The following RAVER1 variants were observed in gnomAD, a reference collection of about 807,000 sequenced individuals.
The protein encoded by RAVER1 is ribonucleoprotein, PTB binding 1, also known as ribonucleoprotein PTB-binding 1.
A neutral mutation model predicts 68.4 loss-of-function variants in RAVER1; 36 were observed. The observed-to-expected ratio is 0.53, with a 90% CI of 0.40 to 0.70. The LOEUF is 0.70. Ranked by LOEUF, RAVER1 falls within the 30% of genes least tolerant of loss-of-function variation. The pLI is 0.00. For synonymous variants in RAVER1, 469 were observed against 472.7 expected, an observed-to-expected ratio of 0.99 and a Z score of 0.10; for missense variants, 933 against 1,019.8, an observed-to-expected ratio of 0.91 and a Z score of 1.16.
rs746573416 is a variant in RAVER1, at chr19:10,328,732, G to A, written c.666C>T (p.Cys222=). The A allele has an allele frequency of 6.2e-7, 1 of 1,612,138 alleles. No homozygotes were observed. Among genetic ancestry groups the A allele is most frequent in the Non-Finnish European group, 8.5e-7 (1 of 1,179,540 alleles). ...QLTPALLHSR[C]LCVDRLPPGF... The stretch of plus-strand genomic sequence containing the variant: ...CAGGTGGCAGGCGGTCCACACAGAG[G>A]CAGCGGGAGTGGAGAAGGGCAGGCG... Residue 222 remains cysteine, a synonymous_variant, in exon 3 of 13, where the codon TGC becomes TGT. Coordinates refer to ENST00000617231, the MANE Select transcript of RAVER1 (RefSeq NM_133452.3). The surrounding 1 kb of genome is among the most constrained non-coding windows in gnomAD (Gnocchi z 4.4).
At chr19:10,332,826 ATC>A (rs2040532372) in intron 1 of RAVER1, among the ~76,000 whole-genome samples, 2 of 152,102 alleles carry the variant, frequency 1.3e-5, no homozygotes, top group Admixed American at 6.6e-5. Context: ...TTCCGGATTT[ATC>A]TCTGAGAGCA....
At position 10,317,083 on chromosome 19, in the gene RAVER1, A is replaced by C; in HGVS notation, c.*371T>G. ...AAAAGGAGACAGTCTCTGTATCTTC[A>C]CGGGAGGTCAGGGAAACCTCCAAGG... On this transcript the variant is annotated 3_prime_UTR_variant, in exon 13 of 13. Coordinates refer to ENST00000617231, the MANE Select transcript of RAVER1 (RefSeq NM_133452.3). The surrounding 1 kb of genome is among the most constrained non-coding windows in gnomAD (Gnocchi z 4.3). 1 of 297,454 alleles carries C rather than the reference A, an allele frequency of 3.4e-6. No individual in the cohort carries two copies. The highest frequency in any genetic ancestry group is 6.3e-6 in the Non-Finnish European group (1 of 157,906). 18.4% of individuals were successfully genotyped at this position (297,454 alleles called of 1,614,324 possible). A position where few individuals can be genotyped will look rare whatever the true frequency, so the allele number is the denominator to read the frequency against.
Position 10,323,422 on chromosome 19 carries a change from G to A in RAVER1, c.901C>T (p.Pro301Ser), listed in dbSNP as rs773293787. ...GCGGCCAGCATACTGCGGCCGGGGGGCCCAGGGGCGCAGAAGGAGACTCGC... is the reference window on the plus strand; with the variant it reads ...GCGGCCAGCATACTGCGGCCGGGGGACCCAGGGGCGCAGAAGGAGACTCGC... ...HLRVSFCAPGPPGRSMLAALI... is the reference protein window; with the variant it reads ...HLRVSFCAPGSPGRSMLAALI... The change falls in exon 4 of 13, where the codon CCC becomes TCC. Residue 301 changes from proline (P) to serine (S), a missense_variant. This residue lies in a region of RAVER1 where 699 missense variants were observed against 731.1 expected (regional missense o/e 0.96). Transcript: ENST00000617231. The surrounding 1 kb of genome is among the most constrained non-coding windows in gnomAD (Gnocchi z 6.2). 4 of 1,607,390 alleles carry A rather than the reference G, an allele frequency of 2.5e-6. No homozygotes were observed. The highest frequency in any genetic ancestry group is 1.7e-5 in the Admixed American group (1 of 59,264).
At chr19:10,320,980 GC>G (rs769428060) in intron 8 of RAVER1, 29 bp from the exon 9 acceptor site, 11 of 1,487,014 alleles carry the variant, frequency 7.4e-6, no homozygotes, top group Non-Finnish European at 9.8e-6. Context: ...ATTCGAGAGG[GC>G]CCCCGGGAGA....
intron 7 of RAVER1, 135 bp from the exon 8 acceptor site, chr19:10,321,394 TG>T: frequency 1.2e-6 from 1 of 837,872 alleles, no homozygotes; most frequent in Non-Finnish European, 1.6e-6. Context: ...AGCTCATCCC[TG>T]GGCCCTGAGT....
rs1298943441 is a variant in RAVER1, at chr19:10,321,577, C to A, written c.1215G>T (p.Gln405His). Residue 405 changes from glutamine (Q) to histidine (H), a missense_variant, in exon 7 of 13, where the codon CAG becomes CAT. By Grantham distance (24) the Gln-to-His change is conservative. Coordinates refer to ENST00000617231, the MANE Select transcript of RAVER1 (RefSeq NM_133452.3). Reference sequence around the variant, plus strand: ...GGGGGTTGGCTGGCTGGGCCCCAGGCTGGAGGGCGCCCAGGGGTGAGTCTC... The same window carrying A: ...GGGGGTTGGCTGGCTGGGCCCCAGGATGGAGGGCGCCCAGGGGTGAGTCTC... ...ILGDSPLGAL[Q>H]PGAQPANPLL... 1 of 1,384,632 alleles carries A rather than the reference C, an allele frequency of 7.2e-7. No homozygotes were observed. Among genetic ancestry groups the A allele is most frequent in the Non-Finnish European group, 9.4e-7 (1 of 1,062,790 alleles). The allele number at this position is 1,384,632 out of a possible 1,614,324, so 85.8% of individuals were successfully genotyped here.
intron 9 of RAVER1, 64 bp from the exon 10 acceptor site, chr19:10,319,304 T>A: frequency 6.6e-7 from 1 of 1,508,198 alleles, no homozygotes; most frequent in Non-Finnish European, 9.2e-7. Flanking sequence ...CTGGCTGAAC[T>A]CCATGGCAGA....
intron 3 of RAVER1, among the ~76,000 whole-genome samples, chr19:10,326,612 CTT>C (rs964472102): frequency 6.8e-6 from 1 of 146,638 alleles, no homozygotes. Flanking sequence ...GCCTGGCTAC[CTT>C]TTTTTTTTTG....
Position 10,317,734 on chromosome 19 carries a change from G to T in RAVER1, c.2029C>A (p.Leu677Met). Residue 677 changes from leucine (L) to methionine (M), a missense_variant, in exon 12 of 13, where the codon CTG (leucine) becomes ATG (methionine). This residue lies in a region of RAVER1 where 699 missense variants were observed against 731.1 expected (regional missense o/e 0.96). Coordinates refer to ENST00000617231, the MANE Select transcript of RAVER1 (RefSeq NM_133452.3). The surrounding 1 kb of genome is among the most constrained non-coding windows in gnomAD (Gnocchi z 4.3). ...SSPLGSGEGL[L>M]GLSPGPNGHS... is the part of the protein sequence containing the mutation. ...CCATTAGGCCCGGGGCTGAGGCCCA[G>T]GAGCCCTTCTCCGGACCCCAGCGGG... 6.3e-7 allele frequency: 1 copy of T among 1,597,832 alleles called. No individual in the cohort carries two copies. The highest frequency in any genetic ancestry group is 8.5e-7 in the Non-Finnish European group (1 of 1,173,448).
Position 10,329,073 on chromosome 19 carries a change from C to T in RAVER1, c.325G>A (p.Ala109Thr), listed in dbSNP as rs777232258. The stretch of plus-strand genomic sequence containing the variant: ...CGGCTCTGGTGGAAAGCATTGATTG[C>T]GGCCTCGGCCTGCTCCCCATTCAGC... ...TLLNGEQAEAAINAFHQSRLR... is the reference protein window; with the variant it reads ...TLLNGEQAEATINAFHQSRLR... The change falls in exon 3 of 13, where the codon GCA (alanine) becomes ACA (threonine). Residue 109 changes from alanine (A) to threonine (T), a missense_variant. Transcript: ENST00000617231. This position sits in a 1 kb window ranked among gnomAD's most constrained non-coding sequence, Gnocchi z 4.6. 7 of 1,504,898 alleles carry T rather than the reference C, an allele frequency of 4.7e-6. No individual in the cohort carries two copies. The highest frequency in any genetic ancestry group is 4.4e-6 in the Non-Finnish European group (5 of 1,124,700). The allele number at this position is 1,504,898 out of a possible 1,614,324, so 93.2% of individuals were successfully genotyped here.
In RAVER1 at chr19:10,333,393, G is replaced by C; in HGVS notation, c.115C>G (p.Leu39Val). The change falls in exon 1 of 13, where the codon CTA becomes GTA. Residue 39 changes from leucine (L) to valine (V), a missense_variant. Transcript: ENST00000617231. The surrounding 1 kb of genome is among the most constrained non-coding windows in gnomAD (Gnocchi z 4.2). ...CGTTTCCGGATCTCTTCTGGATCTA[G>C]AGGCGGCAGCTCTTCTTCCGGCGCC... ...RRAPEEELPPLDPEEIRKRLE... is the reference protein window; with the variant it reads ...RRAPEEELPPVDPEEIRKRLE... 1 of 1,613,842 alleles carries C rather than the reference G, an allele frequency of 6.2e-7. No homozygotes were observed. Among genetic ancestry groups the C allele is most frequent in the Non-Finnish European group, 8.5e-7 (1 of 1,179,798 alleles).
Position 10,330,531 on chromosome 19 carries a change from G to A in RAVER1, c.220-5C>T. On this transcript the variant is annotated splice_polypyrimidine_tract_variant and splice_region_variant and intron_variant, in intron 1 of 12. Transcript: ENST00000617231. ...ACTGAGCAGGTCATGTACTTCCTGTGGAGATACAAGACAAAAGACAGGGAG... is the reference window on the plus strand; with the variant it reads ...ACTGAGCAGGTCATGTACTTCCTGTAGAGATACAAGACAAAAGACAGGGAG... 7.1e-7 allele frequency: 1 copy of A among 1,418,246 alleles called. No homozygotes were observed. The highest frequency in any genetic ancestry group is 9.8e-7 in the Non-Finnish European group (1 of 1,020,882). The allele number at this position is 1,418,246 out of a possible 1,614,324, so 87.9% of individuals were successfully genotyped here. A position where few individuals can be genotyped will look rare whatever the true frequency, so the allele number is the denominator to read the frequency against.
Position 10,323,672 on chromosome 19 carries a change from C to A in RAVER1, c.757-106G>T. ...CTCAGCTGCCCCATAAGGGTGAACT[C>A]CACGCCAGGCCTCCACTGCCCTGTG... On this transcript the variant is annotated intron_variant, in intron 3 of 12. Coordinates refer to ENST00000617231, the MANE Select transcript of RAVER1 (RefSeq NM_133452.3). The surrounding 1 kb of genome is among the most constrained non-coding windows in gnomAD (Gnocchi z 6.2). 8.8e-7 allele frequency: 1 copy of A among 1,137,076 alleles called. No homozygotes were observed. The highest frequency in any genetic ancestry group is 1.2e-6 in the Non-Finnish European group (1 of 816,672). The allele number at this position is 1,137,076 out of a possible 1,614,324, so 70.4% of individuals were successfully genotyped here.
chr19:10,331,169 G>A lies in RAVER1; in HGVS notation c.220-643C>T, dbSNP rs553550080. ...TCGAGACCATCCTGGCTAACAAGGT[G>A]AAACCCCGTCTCTACTAAAAATACA... On this transcript the variant is annotated intron_variant, in intron 1 of 12. Transcript: ENST00000617231. Among the ~76,000 whole-genome samples the A allele has an allele frequency of 2.0e-5, 3 of 150,384 alleles. No homozygotes were observed. The South Asian group carries it at 6.3e-4, about 32-fold the overall frequency.
At chr19:10,330,655 C>G (rs1270566743) in intron 1 of RAVER1, 129 bp from the exon 2 acceptor site, 3 of 617,050 alleles carry the variant, frequency 4.9e-6, no homozygotes, top group Non-Finnish European at 8.9e-6. Flanking sequence ...AATGAGGAAA[C>G]TGAGGCTCGA....
intron 10 of RAVER1, among the ~76,000 whole-genome samples, chr19:10,318,767 C>T (rs138201040): frequency 1.3e-5 from 2 of 152,322 alleles, no homozygotes; most frequent in South Asian, 2.1e-4. Flanking sequence ...CATCACCGCA[C>T]GAATGGGCAC....
Position 10,321,177 on chromosome 19 carries a change from AC to A in RAVER1, c.1343del (p.Gly448ValfsTer59). Reference protein sequence around the residue: ...LLPSVLGPAGGDREALGLGPP... With the variant: ...LLPSVLGPAGXDREALGLGPP... Reference sequence around the variant, plus strand: ...GACCCAAGCCCAGGGCCTCCCGGTCACCCCCAGCAGGGCCAAGCACGGATGG... The same window carrying A: ...GACCCAAGCCCAGGGCCTCCCGGTCACCCCAGCAGGGCCAAGCACGGATGG... On this transcript the variant is annotated frameshift_variant, in exon 8 of 13. Coordinates refer to ENST00000617231, the MANE Select transcript of RAVER1 (RefSeq NM_133452.3). LOFTEE classifies it high-confidence loss of function. 2 of 1,285,474 alleles carry A rather than the reference AC, an allele frequency of 1.6e-6. No individual in the cohort carries two copies. The highest frequency in any genetic ancestry group is 2.0e-6 in the Non-Finnish European group (2 of 1,013,580). 79.6% of individuals were successfully genotyped at this position (1,285,474 alleles called of 1,614,324 possible). A position where few individuals can be genotyped will look rare whatever the true frequency, so the allele number is the denominator to read the frequency against.
intron 1 of RAVER1, among the ~76,000 whole-genome samples, chr19:10,332,217 C>T (rs2040525438): frequency 1.3e-5 from 2 of 152,240 alleles, no homozygotes; most frequent in South Asian, 4.1e-4. Context: ...AGGCTAGTCT[C>T]GAACCCTTGG....
chr19:10,321,501 G>C (rs2040437708), intron 7 of RAVER1, 30 bp downstream of exon 7: 1 of 1,340,300 alleles, frequency 7.5e-7, no homozygotes. Flanking sequence ...AAGTGGCTGG[G>C]GGACACCGTG....
Sources: allele counts gnomAD v4.1 joint callset (sites outside exome capture counted in the v4.1 genomes callset), GRCh38; gene constraint gnomAD v4.1.1; regional missense constraint gnomAD v4.1.1; non-coding constraint Gnocchi (gnomAD v3.1); transcripts MANE v1.5; gene names NCBI Gene and HGNC (gene_info 2026-07-23, HGNC 2026-07-21).